Variants in TLL1 observed in about 807,000 individuals in gnomAD.
TLL1 encodes tolloid like 1.
In TLL1, 49 loss-of-function variants were observed where a neutral mutation model predicts 128.2. The ratio of observed to expected loss-of-function variants is 0.38; its 90% CI spans 0.30 to 0.48. TLL1 has a LOEUF of 0.48. TLL1 is among the 20% of genes least tolerant of loss of function. The pLI, the probability that TLL1 is intolerant of heterozygous loss-of-function variation, is 0.96. For missense variants in TLL1, 1,123 were observed against 1,242.0 expected (o/e 0.90, Z 1.44); for synonymous variants, 454 against 418.8 (o/e 1.08, Z -1.03).
chr4:166,041,393 C>T (rs780380615), intron 10 of TLL1, among the ~76,000 whole-genome samples: 1 of 151,128 alleles, frequency 6.6e-6, no homozygotes, highest in Non-Finnish European at 1.5e-5. Flanking sequence ...CTCTGCCTCT[C>T]GGACTCAAGC....
At chr4:166,027,804 A>G (rs1193203270) in intron 9 of TLL1, among the ~76,000 whole-genome samples, 1 of 152,174 alleles carries the variant, frequency 6.6e-6, no homozygotes, top group Non-Finnish European at 1.5e-5. Flanking sequence ...GTTTCATAAC[A>G]GCAAGTTAAT....
chr4:166,078,069 T>C, intron 18 of TLL1, 39 bp downstream of exon 18: 1 of 1,611,318 alleles, frequency 6.2e-7, no homozygotes, highest in Non-Finnish European at 8.5e-7. Context: ...TTAAGCTGAC[T>C]GCCCTTGTCT....
Position 166,074,891 on chromosome 4 carries a change from C to T in TLL1, c.2202C>T (p.Cys734=). The T allele has an allele frequency of 2.5e-6, 4 of 1,613,412 alleles. No individual in the cohort carries two copies. Among genetic ancestry groups the T allele is most frequent in the Non-Finnish European group, 3.4e-6 (4 of 1,179,556 alleles). Residue 734 remains cysteine (C), a synonymous_variant, in exon 17 of 21, where the codon TGC becomes TGT. Coordinates refer to ENST00000061240, the MANE Select transcript of TLL1 (RefSeq NM_012464.5). ...TCTCTTTGCTAGACAAAGATGAATG[C>T]TCTAAGGATAATGGTGGATGTCAGC... ...KAHFFSDKDE[C]SKDNGGCQHE...
At chr4:165,936,307 C>T in intron 1 of TLL1, among the ~76,000 whole-genome samples, 1 of 149,624 alleles carries the variant, frequency 6.7e-6, no homozygotes. Context: ...ACAACCTCCA[C>T]CTCCTGGGTT....
rs1401261217 is a variant in TLL1, at chr4:166,039,372, A to C, written c.1192A>C (p.Lys398Gln). The C allele has an allele frequency of 6.2e-7, 1 of 1,613,396 alleles. No individual in the cohort carries two copies. Among genetic ancestry groups the C allele is most frequent in the Non-Finnish European group, 8.5e-7 (1 of 1,179,632 alleles). ...AAATTTTACAACGATGGATCTATAC[A>C]AGAGTAGTTTGTGCTGGTATGACTA... ...VLNFTTMDLYKSSLCWYDYIE... is the reference protein window; with the variant it reads ...VLNFTTMDLYQSSLCWYDYIE... The change falls in exon 10 of 21, where the codon AAG becomes CAG. Residue 398 changes from lysine to glutamine, a missense_variant. Lys to Gln is a moderately conservative substitution (Grantham distance 53, BLOSUM62 1). This residue lies in a region of TLL1 where 480 missense variants were observed against 542.4 expected (regional missense o/e 0.89). Transcript: ENST00000061240.
intron 1 of TLL1, among the ~76,000 whole-genome samples, chr4:165,965,305 G>C (rs1735313906): frequency 6.6e-6 from 1 of 152,232 alleles, no homozygotes; most frequent in South Asian, 2.1e-4. Context: ...CTTTGCAAAA[G>C]ATTTTATGTC....
intron 7 of TLL1, among the ~76,000 whole-genome samples, chr4:166,008,775 A>G (rs1737550372): frequency 1.3e-5 from 2 of 149,876 alleles, no homozygotes; most frequent in African/African-American, 4.9e-5. Flanking sequence ...ATTTATGCCC[A>G]TTTTATGCTC....
chr4:165,885,952 ATGT>A (rs1355515539), intron 1 of TLL1, among the ~76,000 whole-genome samples: 1 of 152,208 alleles, frequency 6.6e-6, no homozygotes, highest in Non-Finnish European at 1.5e-5. Context: ...CCACAATTGG[ATGT>A]TGTTATTTAT....
At chr4:166,016,812 T>C (rs905784569) in intron 8 of TLL1, among the ~76,000 whole-genome samples, 1 of 151,964 alleles carries the variant, frequency 6.6e-6, no homozygotes, top group East Asian at 1.9e-4. Flanking sequence ...TACAGATATA[T>C]AGAGAGATAT....
intron 1 of TLL1, among the ~76,000 whole-genome samples, chr4:165,877,768 T>G (rs1428060258): frequency 5.5e-5 from 8 of 144,418 alleles, no homozygotes; most frequent in Non-Finnish European, 1.0e-4. Flanking sequence ...CTTCTTTCCC[T>G]TCTTCTTTCT....
rs28394373 is a variant in TLL1, at chr4:166,061,250, T to C, written c.2007+1062T>C. On this transcript the variant is annotated intron_variant, in intron 15 of 20. Coordinates refer to ENST00000061240, the MANE Select transcript of TLL1 (RefSeq NM_012464.5). ...TTTTCCTCCTTTCCTTTTTTTTTTTTCTTTTTTTTTTTTGAGACAGAGTCT... is the reference window on the plus strand; with the variant it reads ...TTTTCCTCCTTTCCTTTTTTTTTTTCCTTTTTTTTTTTTGAGACAGAGTCT... Among the ~76,000 whole-genome samples, 375 of 54,924 alleles carry C rather than the reference T, an allele frequency of 6.8e-3. 2 individuals carry two copies. Among genetic ancestry groups the C allele is most frequent in the African/African-American group, 0.048 (341 of 7,156 alleles). 36.0% of individuals were successfully genotyped at this position (54,924 alleles called of 152,430 possible).
At chr4:166,043,492 T>A (rs948214425) in intron 12 of TLL1, 73 bp downstream of exon 12, 16 of 1,596,006 alleles carry the variant, frequency 1.0e-5, no homozygotes, top group Non-Finnish European at 1.4e-5. Context: ...GAATCCTCAT[T>A]AAATCAGCAA....
chr4:165,945,227 T>C (rs781184678), intron 1 of TLL1, among the ~76,000 whole-genome samples: 1 of 152,096 alleles, frequency 6.6e-6, no homozygotes, highest in Non-Finnish European at 1.5e-5. Context: ...GTTTTAGTGA[T>C]GTGAATGGGA....
Position 165,904,720 on chromosome 4 carries a change from T to A in TLL1, c.169+30647T>A, listed in dbSNP as rs143707189. 8.2e-4 allele frequency among the ~76,000 whole-genome samples: 125 copies of A among 152,318 alleles called. 1 individual carries two copies. The highest frequency in any genetic ancestry group is 2.9e-3 in the African/African-American group (121 of 41,582). On this transcript the variant is annotated intron_variant, in intron 1 of 20. Transcript: ENST00000061240. Reference sequence around the variant, plus strand: ...CAAATTATTTCAATAAATGAAAATGTGAGCCACGGATTTAAGAAAATCTTT... The same window carrying A: ...CAAATTATTTCAATAAATGAAAATGAGAGCCACGGATTTAAGAAAATCTTT...
chr4:166,047,258 A>C (rs570791355), intron 12 of TLL1, among the ~76,000 whole-genome samples: 3 of 151,346 alleles, frequency 2.0e-5, no homozygotes, highest in African/African-American at 7.3e-5. Flanking sequence ...TCCACCTCCC[A>C]GGTTCAAGCG....
chr4:166,017,017 C>A (rs1054393542), intron 8 of TLL1, among the ~76,000 whole-genome samples: 1 of 150,900 alleles, frequency 6.6e-6, no homozygotes, highest in East Asian at 2.0e-4. Context: ...GTTTGGGCTG[C>A]GAATGAATGA....
chr4:166,087,590 G>A (rs952936375), intron 18 of TLL1, among the ~76,000 whole-genome samples: 1 of 152,080 alleles, frequency 6.6e-6, no homozygotes, highest in African/African-American at 2.4e-5. Flanking sequence ...ACTTCTTTTA[G>A]TTTAAATGTT....
chr4:166,052,922 A>G (rs763944874), intron 12 of TLL1, among the ~76,000 whole-genome samples: 2 of 119,654 alleles, frequency 1.7e-5, no homozygotes, highest in African/African-American at 6.7e-5. Context: ...GAGAACCCTG[A>G]TTTTGAAGGG....
chr4:165,922,456 A>G (rs910191547), intron 1 of TLL1, among the ~76,000 whole-genome samples: 6 of 152,082 alleles, frequency 3.9e-5, no homozygotes, highest in Non-Finnish European at 7.4e-5. Context: ...CGTTTCTTTA[A>G]TATAATCATC....
Sources: gnomAD v4.1 joint callset for allele counts (sites outside exome capture counted in the v4.1 genomes callset) on GRCh38, gnomAD v4.1.1 for gene constraint, gnomAD v4.1.1 regional missense constraint, MANE v1.5 for transcripts, NCBI Gene and HGNC (gene_info 2026-07-23, HGNC 2026-07-21) for gene names.